Variants in FBXO47 observed in about 807,000 individuals in gnomAD.
FBXO47 encodes F-box only protein 47.
FBXO47 carries 34 observed loss-of-function variants against 53.9 expected under a neutral mutation model. The ratio of observed to expected loss-of-function variants is 0.63; its 90% CI spans 0.48 to 0.84. The LOEUF (loss-of-function observed/expected upper bound fraction) is 0.84, where lower values mean the gene tolerates loss of function less well. FBXO47 is among the 40% of genes least tolerant of loss of function. FBXO47 has a pLI of 0.00. For synonymous variants in FBXO47, 165 were observed against 181.6 expected (o/e 0.91, Z 0.73); for missense variants, 485 against 541.3 (o/e 0.90, Z 1.03).
intron 6 of FBXO47, among the ~76,000 whole-genome samples, chr17:38,946,074 TTA>T (rs1491277985): frequency 1.8e-4 from 22 of 122,488 alleles, no homozygotes; most frequent in African/African-American, 7.2e-4. Flanking sequence ...AAATATATAT[TTA>T]TATATAAATA....
Position 38,942,913 on chromosome 17 carries a change from G to A in FBXO47, c.948C>T (p.Pro316=). 2 of 1,605,050 alleles carry A rather than the reference G, an allele frequency of 1.2e-6. No homozygotes were observed. Among genetic ancestry groups the A allele is most frequent in the Non-Finnish European group, 1.7e-6 (2 of 1,177,130 alleles). The stretch of plus-strand genomic sequence containing the variant: ...CATTATTCTCTAGAAGCCACTCACG[G>A]GGAACCACTTTTATTAGAGGAAGAA... ...ISLVDELSVV[P]REWLLENNAR... The change falls in exon 9 of 11, where the codon CCC becomes CCT. Residue 316 remains proline (P), a synonymous_variant. Coordinates refer to ENST00000378079, the MANE Select transcript of FBXO47 (RefSeq NM_001008777.3).
At chr17:38,965,550 A>C (rs1239257463) in intron 1 of FBXO47, among the ~76,000 whole-genome samples, 2 of 151,860 alleles carry the variant, frequency 1.3e-5, no homozygotes, top group Non-Finnish European at 1.5e-5. Context: ...TGAACACTTA[A>C]ATTAGGAGGT....
chr17:38,964,995 G>T (rs546232768), intron 1 of FBXO47, among the ~76,000 whole-genome samples: 1 of 151,770 alleles, frequency 6.6e-6, no homozygotes, highest in Non-Finnish European at 1.5e-5. Flanking sequence ...GATTACAGGC[G>T]TGTGCTACCA....
chr17:38,962,637 A>ATAC (rs1321435979), intron 2 of FBXO47, among the ~76,000 whole-genome samples: 1 of 148,048 alleles, frequency 6.8e-6, no homozygotes. Flanking sequence ...AATAATAATA[A>ATAC]TAGTAATAAT....
At chr17:38,938,758 A>G in intron 9 of FBXO47, 26 bp from the exon 10 acceptor site, 1 of 1,523,360 alleles carries the variant, frequency 6.6e-7, no homozygotes, top group Non-Finnish European at 8.9e-7. Flanking sequence ...AAAGCGCTAT[A>G]AACCTTCATG....
intron 4 of FBXO47, among the ~76,000 whole-genome samples, chr17:38,955,812 G>C (rs1195540727): frequency 2.6e-5 from 4 of 151,898 alleles, no homozygotes; most frequent in Admixed American, 1.3e-4. Context: ...ACAAAAATTT[G>C]CTGGGCGTGG....
At chr17:38,944,190 CATGTGTGT>C (rs1465287248) in intron 7 of FBXO47, among the ~76,000 whole-genome samples, 260 of 122,758 alleles carry the variant, frequency 2.1e-3, no homozygotes, top group African/African-American at 6.1e-3. Flanking sequence ...TCAAAAAAAA[CATGTGTGT>C]GTGTGTGTGT....
intron 5 of FBXO47, 143 bp downstream of exon 5, chr17:38,954,713 T>G: frequency 1.9e-6 from 1 of 526,522 alleles, no homozygotes; most frequent in Non-Finnish European, 3.3e-6. Context: ...ACTATTAGAT[T>G]AATACATTCT....
At chr17:38,963,600 G>T (rs1159352242) in intron 1 of FBXO47, among the ~76,000 whole-genome samples, 1 of 152,042 alleles carries the variant, frequency 6.6e-6, no homozygotes, top group Non-Finnish European at 1.5e-5. Flanking sequence ...ACATTACTAT[G>T]AAATTTTAAA....
At chr17:38,940,169 G>A (rs1330664142) in intron 9 of FBXO47, among the ~76,000 whole-genome samples, 2 of 151,932 alleles carry the variant, frequency 1.3e-5, no homozygotes, top group East Asian at 1.9e-4. Context: ...ATTTCAAAGA[G>A]CTTGCAGTCT....
chr17:38,945,037 C>A lies in FBXO47; in HGVS notation c.716G>T (p.Arg239Leu). ...CACCATTGGCCATGGTTTTAATATT[C>A]GCGTCAACCAAAAAGCAGAATCACT... is the stretch of plus-strand genomic sequence containing the variant. Reference protein sequence around the residue: ...HRSDSAFWLTRILKPWPMVNQ... With the variant: ...HRSDSAFWLTLILKPWPMVNQ... The change falls in exon 7 of 11, where the codon CGA becomes CTA. Residue 239 changes from arginine to leucine, a missense_variant. Coordinates refer to ENST00000378079, the MANE Select transcript of FBXO47 (RefSeq NM_001008777.3). The A allele has an allele frequency of 6.2e-7, 1 of 1,613,954 alleles. No homozygotes were observed. The highest frequency in any genetic ancestry group is 1.1e-5 in the South Asian group (1 of 91,080).
rs1358723271 is a variant in FBXO47, at chr17:38,942,845, A to C, written c.1016T>G (p.Phe339Cys). The C allele has an allele frequency of 6.2e-7, 1 of 1,613,890 alleles. No homozygotes were observed. The highest frequency in any genetic ancestry group is 8.5e-7 in the Non-Finnish European group (1 of 1,179,950). ...TCCATTCACAGCTTTACTAGCCATG[A>C]AACTGAAACAGATGTTGTTTCCACT... is the stretch of plus-strand genomic sequence containing the variant. ...MLSGNNICFS[F>C]MASKAVNGRT... Residue 339 changes from phenylalanine (F) to cysteine (C), a missense_variant, in exon 9 of 11, where the codon TTC (phenylalanine) becomes TGC (cysteine). By Grantham distance (205) the Phe-to-Cys change is radical. Coordinates refer to ENST00000378079, the MANE Select transcript of FBXO47 (RefSeq NM_001008777.3).
Position 38,952,815 on chromosome 17 carries a change from C to CT in FBXO47, c.508-1127dup, listed in dbSNP as rs139105548. ...GACAATTCTGAGCATTTATTTATGA[C>CT]TTTTTTTTTTTTTTTTTTTGTAGAG... On this transcript the variant is annotated intron_variant, in intron 5 of 10. Coordinates refer to ENST00000378079, the MANE Select transcript of FBXO47 (RefSeq NM_001008777.3). Among the ~76,000 whole-genome samples the CT allele has an allele frequency of 5.2e-3, 604 of 115,340 alleles. 9 individuals are homozygous for CT. Among genetic ancestry groups the CT allele is most frequent in the African/African-American group, 0.011 (331 of 31,282 alleles). 75.7% of individuals were successfully genotyped at this position (115,340 alleles called of 152,430 possible).
Position 38,963,000 on chromosome 17 carries a change from A to G in FBXO47, c.26T>C (p.Phe9Ser), listed in dbSNP as rs1905895925. The G allele has an allele frequency of 6.2e-7, 1 of 1,612,222 alleles. No homozygotes were observed. The highest frequency in any genetic ancestry group is 1.3e-5 in the African/African-American group (1 of 74,872). ...AAGTTTCTGGTTGGGAATCAAAGTG[A>G]AATTTGTATTTATTCTGGATGCCAT... is the stretch of plus-strand genomic sequence containing the variant. MASRINTN[F>S]TLIPNQKLRR... Residue 9 changes from phenylalanine to serine, a missense_variant, in exon 2 of 11, where the codon TTC (phenylalanine) becomes TCC (serine). Phe to Ser is a radical substitution (Grantham distance 155). Coordinates refer to ENST00000378079, the MANE Select transcript of FBXO47 (RefSeq NM_001008777.3).
chr17:38,950,651 C>T (rs1410917482), intron 6 of FBXO47, among the ~76,000 whole-genome samples: 1 of 151,844 alleles, frequency 6.6e-6, no homozygotes, highest in East Asian at 1.9e-4. Context: ...GGGAGTTTCT[C>T]AGAGGGAAAC....
intron 1 of FBXO47, among the ~76,000 whole-genome samples, chr17:38,965,455 A>G (rs1906053896): frequency 6.6e-6 from 1 of 152,288 alleles, no homozygotes; most frequent in African/African-American, 2.4e-5. Context: ...ATTTGAAAAC[A>G]TAACAAAGAA....
At chr17:38,937,634 T>C (rs980275891) in intron 10 of FBXO47, among the ~76,000 whole-genome samples, 1 of 151,942 alleles carries the variant, frequency 6.6e-6, no homozygotes, top group Non-Finnish European at 1.5e-5. Context: ...ATTTGAAACA[T>C]AAGATGTTCT....
intron 1 of FBXO47, among the ~76,000 whole-genome samples, chr17:38,965,666 G>T (rs1412793692): frequency 2.2e-5 from 3 of 137,196 alleles, no homozygotes; most frequent in Non-Finnish European, 4.6e-5. Flanking sequence ...GAGGTCAGGA[G>T]ATCGAGACCA....
At chr17:38,953,853 G>C (rs1905424586) in intron 5 of FBXO47, among the ~76,000 whole-genome samples, 2 of 152,056 alleles carry the variant, frequency 1.3e-5, no homozygotes, top group South Asian at 2.1e-4. Flanking sequence ...AATTAAATAA[G>C]AAAAATCTGT....
Sources: allele counts gnomAD v4.1 joint callset (sites outside exome capture counted in the v4.1 genomes callset), GRCh38; gene constraint gnomAD v4.1.1; transcripts MANE v1.5; gene names NCBI Gene and HGNC (gene_info 2026-07-23, HGNC 2026-07-21).